Variants in CEP15 observed in about 807,000 individuals in gnomAD.
The protein encoded by CEP15 is centrosomal protein 15 kDa.
the CEP15 span, among the ~76,000 whole-genome samples, chr3:62,328,201 A>G: frequency 6.6e-6 from 1 of 152,172 alleles, no homozygotes; most frequent in Non-Finnish European, 1.5e-5. Context: ...CAGTATCTCC[A>G]ATTCAATTGC....
At chr3:62,323,999 T>C in the CEP15 span, 1 of 152,340 alleles carries the variant, frequency 6.6e-6, no homozygotes, top group East Asian at 1.9e-4. Context: ...TCATTGCATA[T>C]GCAATTTTTA....
At chr3:62,321,530 G>A in the CEP15 span, among the ~76,000 whole-genome samples, 4 of 152,140 alleles carry the variant, frequency 2.6e-5, no homozygotes, top group Non-Finnish European at 5.9e-5. The surrounding 1 kb of genome is among the most constrained non-coding windows in gnomAD (Gnocchi z 4.1). Context: ...GTTTCATATA[G>A]CAAGTTATAT....
chr3:62,327,576 G>A, the CEP15 span, among the ~76,000 whole-genome samples: 8 of 152,012 alleles, frequency 5.3e-5, no homozygotes, highest in Non-Finnish European at 1.0e-4. Flanking sequence ...ATTTTGGAAC[G>A]TTGGCAGTCA....
chr3:62,330,468 C>G, the CEP15 span, among the ~76,000 whole-genome samples: 1 of 152,224 alleles, frequency 6.6e-6, no homozygotes, highest in South Asian at 2.1e-4. Flanking sequence ...AGACAATGCT[C>G]AAATGTTTCA....
the CEP15 span, among the ~76,000 whole-genome samples, chr3:62,327,311 T>A: frequency 3.3e-5 from 5 of 152,218 alleles, no homozygotes; most frequent in African/African-American, 1.2e-4. Flanking sequence ...CAGATGAAAT[T>A]AATAACATTT....
At chr3:62,321,196 A>C in the CEP15 span, among the ~76,000 whole-genome samples, 1 of 152,172 alleles carries the variant, frequency 6.6e-6, no homozygotes, top group African/African-American at 2.4e-5. This position sits in a 1 kb window ranked among gnomAD's most constrained non-coding sequence, Gnocchi z 4.1. Flanking sequence ...GTATCTTTTA[A>C]TCATCTTACA....
the CEP15 span, chr3:62,321,854 A>AT: frequency 8.4e-7 from 1 of 1,188,044 alleles, no homozygotes; most frequent in Non-Finnish European, 1.2e-6. The surrounding 1 kb of genome is among the most constrained non-coding windows in gnomAD (Gnocchi z 4.1). Flanking sequence ...TAAGAAATGA[A>AT]TTTTTTATAT....
the CEP15 span, chr3:62,331,193 G>T: frequency 4.7e-6 from 3 of 639,782 alleles, no homozygotes; most frequent in South Asian, 2.0e-5. Flanking sequence ...CTACCATAGT[G>T]TGCCTCCATC....
At chr3:62,333,373 A>G in the CEP15 span, 46,596 of 1,610,724 alleles carry the variant, frequency 0.029, 801 homozygotes, top group Middle Eastern at 0.05. The surrounding 1 kb of genome is among the most constrained non-coding windows in gnomAD (Gnocchi z 4.0). Flanking sequence ...ACCATTCAAA[A>G]TGAGGCACAG....
At chr3:62,322,447 C>T in the CEP15 span, 2 of 164,970 alleles carry the variant, frequency 1.2e-5, no homozygotes, top group Non-Finnish European at 2.6e-5. This position sits in a 1 kb window ranked among gnomAD's most constrained non-coding sequence, Gnocchi z 5.5. Flanking sequence ...AACTATCAAA[C>T]ATCATAAAAA....
At chr3:62,328,692 T>C in the CEP15 span, among the ~76,000 whole-genome samples, 1 of 152,174 alleles carries the variant, frequency 6.6e-6, no homozygotes, top group Non-Finnish European at 1.5e-5. Flanking sequence ...TTTTGGTTTA[T>C]AATCAGGAAA....
chr3:62,332,584 T>G, the CEP15 span, among the ~76,000 whole-genome samples: 1 of 152,092 alleles, frequency 6.6e-6, no homozygotes, highest in Non-Finnish European at 1.5e-5. Context: ...TTTCATGAGC[T>G]TCTAAAGCCT....
chr3:62,324,924 T>A, the CEP15 span, among the ~76,000 whole-genome samples: 2 of 152,182 alleles, frequency 1.3e-5, no homozygotes, highest in Non-Finnish European at 2.9e-5. Flanking sequence ...CACTAGCATT[T>A]TGGAATGATA....
At chr3:62,323,067 C>T in the CEP15 span, among the ~76,000 whole-genome samples, 1 of 152,198 alleles carries the variant, frequency 6.6e-6, no homozygotes. Flanking sequence ...GGCTTAATTG[C>T]TACCTACCTG....
chr3:62,331,788 C>A, the CEP15 span, among the ~76,000 whole-genome samples: 1 of 152,086 alleles, frequency 6.6e-6, no homozygotes, highest in African/African-American at 2.4e-5. Context: ...AAAAATTTAA[C>A]CATAGCTAAT....
At chr3:62,332,290 A>G in the CEP15 span, among the ~76,000 whole-genome samples, 2 of 152,106 alleles carry the variant, frequency 1.3e-5, no homozygotes, top group East Asian at 1.9e-4. Context: ...GATGACCTTT[A>G]CTTTATGTAT....
the CEP15 span, chr3:62,319,177 G>A: frequency 6.6e-6 from 1 of 152,586 alleles, no homozygotes; most frequent in African/African-American, 2.4e-5. Flanking sequence ...AGGTTCATGA[G>A]TCCTTTGGGT....
At chr3:62,333,360 A>C in the CEP15 span, 4 of 1,611,330 alleles carry the variant, frequency 2.5e-6, no homozygotes, top group Non-Finnish European at 8.5e-7. The surrounding 1 kb of genome is among the most constrained non-coding windows in gnomAD (Gnocchi z 4.0). Context: ...TGAAGCAGAA[A>C]ATACCATTCA....
the CEP15 span, chr3:62,333,250 TC>T: frequency 6.0e-5 from 96 of 1,606,348 alleles, no homozygotes; most frequent in Non-Finnish European, 5.7e-5. This position sits in a 1 kb window ranked among gnomAD's most constrained non-coding sequence, Gnocchi z 4.0. Context: ...GATTTTTTTT[TC>T]CAGACTCGTT....
Sources: gnomAD v4.1 joint callset for allele counts (sites outside exome capture counted in the v4.1 genomes callset) on GRCh38, gnomAD v4.1.1 for gene constraint, Gnocchi (gnomAD v3.1) non-coding constraint, MANE v1.5 for transcripts, NCBI Gene and HGNC (gene_info 2026-07-23, HGNC 2026-07-21) for gene names.